The following CYP7B1 variants were observed in gnomAD, a reference collection of about 807,000 sequenced individuals.
The protein encoded by CYP7B1 is cytochrome P450 7B1.
In CYP7B1, 29 loss-of-function variants were observed where a neutral mutation model predicts 42.7. The ratio of observed to expected loss-of-function variants is 0.68; its 90% CI spans 0.51 to 0.93. The LOEUF (loss-of-function observed/expected upper bound fraction) is 0.93. Ranked by LOEUF, CYP7B1 falls within the 40% of genes least tolerant of loss-of-function variation. CYP7B1 has a pLI of 0.00. For missense variants in CYP7B1, 655 were observed against 600.5 expected (o/e 1.09, Z -0.95); for synonymous variants, 235 against 218.2 (o/e 1.08, Z -0.68).
chr8:64,632,941 C>T (rs768480953), intron 1 of CYP7B1, among the ~76,000 whole-genome samples: 4 of 151,424 alleles, frequency 2.6e-5, no homozygotes, highest in Non-Finnish European at 4.4e-5. Flanking sequence ...GGAAGGGGGG[C>T]GGGGAGAGAG....
intron 1 of CYP7B1, among the ~76,000 whole-genome samples, chr8:64,786,112 T>A (rs1804522428): frequency 6.6e-6 from 1 of 152,088 alleles, no homozygotes; most frequent in Admixed American, 6.5e-5. Flanking sequence ...GGAACCACAA[T>A]TCAAGATGAG....
chr8:64,698,673 C>T (rs557489023), intron 1 of CYP7B1, among the ~76,000 whole-genome samples: 1 of 152,246 alleles, frequency 6.6e-6, no homozygotes, highest in East Asian at 1.9e-4. Flanking sequence ...AATGCTGGCA[C>T]ATCTGAAACC....
intron 1 of CYP7B1, among the ~76,000 whole-genome samples, chr8:64,648,616 ATAAT>A (rs774256258): frequency 6.6e-6 from 1 of 152,192 alleles, no homozygotes; most frequent in Non-Finnish European, 1.5e-5. Context: ...GAAACTTATA[ATAAT>A]TAATTCATTC....
intron 1 of CYP7B1, among the ~76,000 whole-genome samples, chr8:64,667,730 A>T (rs1348504410): frequency 6.6e-6 from 1 of 152,170 alleles, no homozygotes; most frequent in African/African-American, 2.4e-5. Flanking sequence ...AATATCTGTG[A>T]TGGGAAAAAC....
At chr8:64,783,254 A>C (rs1487021351) in intron 1 of CYP7B1, among the ~76,000 whole-genome samples, 1 of 152,200 alleles carries the variant, frequency 6.6e-6, no homozygotes, top group Non-Finnish European at 1.5e-5. Context: ...AATGTGAGGG[A>C]TCTAGAGCAC....
intron 1 of CYP7B1, among the ~76,000 whole-genome samples, chr8:64,745,033 G>C (rs1036244802): frequency 1.3e-5 from 2 of 152,078 alleles, no homozygotes; most frequent in South Asian, 2.1e-4. Flanking sequence ...GGAGAGATTC[G>C]TTAATTGCTT....
intron 5 of CYP7B1, among the ~76,000 whole-genome samples, chr8:64,600,725 G>A (rs1684569191): frequency 6.6e-6 from 1 of 152,120 alleles, no homozygotes; most frequent in African/African-American, 2.4e-5. Flanking sequence ...CAAAGGGGTA[G>A]TTTATACTAC....
At chr8:64,620,520 G>T (rs1410299983) in intron 2 of CYP7B1, among the ~76,000 whole-genome samples, 2 of 152,308 alleles carry the variant, frequency 1.3e-5, no homozygotes, top group Non-Finnish European at 2.9e-5. Flanking sequence ...GGTTTCTCAT[G>T]AAAAGATGTA....
intron 1 of CYP7B1, among the ~76,000 whole-genome samples, chr8:64,792,778 C>T (rs1804640618): frequency 6.6e-6 from 1 of 152,082 alleles, no homozygotes; most frequent in Non-Finnish European, 1.5e-5. Flanking sequence ...AGATCTGGAA[C>T]TCTTAAACAG....
At chr8:64,667,144 G>A (rs879898391) in intron 1 of CYP7B1, among the ~76,000 whole-genome samples, 33 of 152,192 alleles carry the variant, frequency 2.2e-4, no homozygotes, top group Non-Finnish European at 4.4e-4. Flanking sequence ...AAAGAAAAAA[G>A]AACCCAATGG....
intron 1 of CYP7B1, among the ~76,000 whole-genome samples, chr8:64,769,808 C>T (rs1046516216): frequency 1.3e-5 from 2 of 152,122 alleles, no homozygotes; most frequent in African/African-American, 4.8e-5. Context: ...CTTCATTCCC[C>T]CCATCCTACT....
chr8:64,615,864 A>C lies in CYP7B1; in HGVS notation c.677T>G (p.Leu226Ter). 1 of 1,613,758 alleles carries C rather than the reference A, an allele frequency of 6.2e-7. No homozygotes were observed. ...AAGCTCAATGGGTATGTTGGATACT[A>C]AATATGCAAACTTGTCATCAAATTT... ...FLKFDDKFAY[L>*]VSNIPIELLG... The change falls in exon 3 of 6, where the codon TTA becomes TGA. Residue 226 changes from leucine (L) to a stop codon, truncating the protein, a stop_gained. Transcript: ENST00000310193. LOFTEE classifies it high-confidence loss of function.
intron 1 of CYP7B1, among the ~76,000 whole-genome samples, chr8:64,685,464 G>C (rs950898127): frequency 1.7e-5 from 1 of 59,304 alleles, no homozygotes; most frequent in Non-Finnish European, 3.7e-5. Flanking sequence ...AGTGAGGAGC[G>C]TCTCTGCCCG....
chr8:64,674,389 TTGTC>T (rs1180786239), intron 1 of CYP7B1, among the ~76,000 whole-genome samples: 2 of 152,120 alleles, frequency 1.3e-5, no homozygotes, highest in African/African-American at 2.4e-5. Flanking sequence ...GGGGATTTCC[TTGTC>T]TGTCAATGCC....
chr8:64,792,603 G>C (rs371102092), intron 1 of CYP7B1, among the ~76,000 whole-genome samples: 1 of 152,154 alleles, frequency 6.6e-6, no homozygotes, highest in African/African-American at 2.4e-5. Context: ...GCAGAAGCCA[G>C]GATTAGAGAT....
intron 1 of CYP7B1, among the ~76,000 whole-genome samples, chr8:64,789,837 A>G (rs1054448463): frequency 2.6e-5 from 4 of 152,212 alleles, no homozygotes; most frequent in African/African-American, 4.8e-5. Flanking sequence ...ATAAATCCAC[A>G]TCTCCATCTG....
intron 1 of CYP7B1, among the ~76,000 whole-genome samples, chr8:64,710,478 G>A (rs1320775937): frequency 6.6e-6 from 1 of 152,152 alleles, no homozygotes; most frequent in Non-Finnish European, 1.5e-5. Context: ...AGTAAATACT[G>A]TTTAAGTAGC....
intron 4 of CYP7B1, among the ~76,000 whole-genome samples, chr8:64,606,620 A>T (rs1805286584): frequency 6.6e-6 from 1 of 152,182 alleles, no homozygotes; most frequent in Admixed American, 6.5e-5. Context: ...CAGTATCACA[A>T]ATGACAATTG....
chr8:64,681,101 T>C (rs973533782), intron 1 of CYP7B1, among the ~76,000 whole-genome samples: 2 of 152,222 alleles, frequency 1.3e-5, no homozygotes, highest in Non-Finnish European at 2.9e-5. Flanking sequence ...AGTTTTAAAA[T>C]GTTTGTGGAT....
Sources: allele counts gnomAD v4.1 joint callset (sites outside exome capture counted in the v4.1 genomes callset), GRCh38; gene constraint gnomAD v4.1.1; transcripts MANE v1.5; gene names NCBI Gene and HGNC (gene_info 2026-07-23, HGNC 2026-07-21).